SLCO1B1: variants seen among roughly 807,000 people sequenced by gnomAD.
SLCO1B1 encodes solute carrier organic anion transporter family member 1B1.
A neutral mutation model predicts 70.1 loss-of-function variants in SLCO1B1; 81 were observed. The observed-to-expected ratio is 1.16, with a 90% CI of 0.97 to 1.39. The LOEUF (loss-of-function observed/expected upper bound fraction) is 1.39. Ranked by LOEUF, SLCO1B1 falls within the 40% of genes most tolerant of loss-of-function variation. SLCO1B1 has a pLI of 0.00. For synonymous variants in SLCO1B1, 283 were observed against 271.5 expected (o/e 1.04, Z -0.42); for missense variants, 895 against 799.6 (o/e 1.12, Z -1.44).
rs765010547 is a variant in SLCO1B1, at chr12:21,239,147, T to C, written c.2034T>C (p.His678=). 7 of 1,613,104 alleles carry C rather than the reference T, an allele frequency of 4.3e-6. No individual in the cohort carries two copies. The Admixed American group carries it at 8.3e-5, about 19-fold the overall frequency. ...ANLESLNKNK[H]FVPSAGADSE... is the part of the protein sequence containing the mutation. ...TAGAATCCTTAAATAAAAATAAACA[T>C]TTTGTCCCTTCTGCTGGGGCAGATA... is the stretch of plus-strand genomic sequence containing the variant. The change falls in exon 15 of 15, where the codon CAT becomes CAC. Residue 678 remains histidine, a synonymous_variant. Transcript: ENST00000256958.
intron 7 of SLCO1B1, among the ~76,000 whole-genome samples, chr12:21,183,978 A>C (rs1591812495): frequency 6.6e-6 from 1 of 152,266 alleles, no homozygotes; most frequent in Non-Finnish European, 1.5e-5. Flanking sequence ...AGAACATACC[A>C]AAGAGAGAAA....
chr12:21,209,202 T>C (rs528089770), intron 11 of SLCO1B1, among the ~76,000 whole-genome samples: 1 of 151,226 alleles, frequency 6.6e-6, no homozygotes, highest in African/African-American at 2.4e-5. Context: ...ATGCTATCCC[T>C]CCCCCCTCCT....
At chr12:21,163,722 A>G (rs890347245) in intron 2 of SLCO1B1, among the ~76,000 whole-genome samples, 1 of 152,188 alleles carries the variant, frequency 6.6e-6, no homozygotes, top group Non-Finnish European at 1.5e-5. Flanking sequence ...TTAAAAGGGT[A>G]CAAATCTCAT....
chr12:21,197,280 C>CCAG, intron 8 of SLCO1B1, 92 bp downstream of exon 8: 2 of 1,408,342 alleles, frequency 1.4e-6, no homozygotes, highest in Non-Finnish European at 1.9e-6. Flanking sequence ...ATACCCAACT[C>CCAG]ATCTGGAGTT....
At chr12:21,174,869 C>G (rs1439492930) in intron 4 of SLCO1B1, among the ~76,000 whole-genome samples, 160 bp downstream of exon 4, 1 of 152,052 alleles carries the variant, frequency 6.6e-6, no homozygotes, top group Non-Finnish European at 1.5e-5. Context: ...TCTACATAAT[C>G]ATTTTATTTA....
chr12:21,151,842 G>A (rs192616765), intron 2 of SLCO1B1, among the ~76,000 whole-genome samples: 54 of 151,854 alleles, frequency 3.6e-4, no homozygotes, highest in African/African-American at 9.7e-4. Flanking sequence ...ATTTTCTATA[G>A]TTTTAAAATG....
intron 2 of SLCO1B1, among the ~76,000 whole-genome samples, chr12:21,171,973 C>A (rs1940760220): frequency 6.6e-6 from 1 of 151,988 alleles, no homozygotes; most frequent in Admixed American, 6.6e-5. Flanking sequence ...CATCAACACA[C>A]TGGAAATTAG....
At chr12:21,200,380 T>C (rs563934683) in intron 8 of SLCO1B1, 128 bp from the exon 9 acceptor site, 1 of 531,506 alleles carries the variant, frequency 1.9e-6, no homozygotes, top group Non-Finnish European at 3.3e-6. Context: ...TATTGCAGGC[T>C]ATTCTCACTC....
intron 6 of SLCO1B1, 29 bp from the exon 7 acceptor site, chr12:21,178,893 C>T: frequency 1.3e-6 from 2 of 1,500,190 alleles, no homozygotes; most frequent in Non-Finnish European, 1.9e-6. Context: ...TTCTTGGCAT[C>T]TAGTAAAATT....
intron 12 of SLCO1B1, among the ~76,000 whole-genome samples, chr12:21,217,960 T>A (rs1941379941): frequency 6.6e-6 from 1 of 152,156 alleles, no homozygotes; most frequent in South Asian, 2.1e-4. Context: ...CACATATTTA[T>A]AAATTGTTCT....
chr12:21,160,849 G>A (rs748264835), intron 2 of SLCO1B1, among the ~76,000 whole-genome samples: 1 of 152,008 alleles, frequency 6.6e-6, no homozygotes, highest in Non-Finnish European at 1.5e-5. Flanking sequence ...TGTAGGCAAA[G>A]GGTATGAACA....
intron 2 of SLCO1B1, among the ~76,000 whole-genome samples, chr12:21,158,527 C>A (rs2121073046): frequency 6.6e-6 from 1 of 152,200 alleles, no homozygotes; most frequent in South Asian, 2.1e-4. Flanking sequence ...AACCCCATCT[C>A]TACTAAAAAT....
chr12:21,237,067 A>G (rs567823016), intron 14 of SLCO1B1, among the ~76,000 whole-genome samples: 4 of 152,036 alleles, frequency 2.6e-5, no homozygotes, highest in South Asian at 2.1e-4. Flanking sequence ...TAATTTTACT[A>G]TTGTCTATTT....
chr12:21,174,429 G>A, intron 3 of SLCO1B1, 148 bp from the exon 4 acceptor site: 1 of 729,076 alleles, frequency 1.4e-6, no homozygotes, highest in Non-Finnish European at 2.3e-6. Flanking sequence ...GTGGTCTAAT[G>A]TAGGTGAATT....
intron 2 of SLCO1B1, among the ~76,000 whole-genome samples, chr12:21,148,951 T>C (rs1287309123): frequency 6.6e-6 from 1 of 152,136 alleles, no homozygotes; most frequent in Non-Finnish European, 1.5e-5. Flanking sequence ...CCCTTGTAAG[T>C]TGTATTCCTA....
intron 2 of SLCO1B1, among the ~76,000 whole-genome samples, chr12:21,146,092 T>A (rs1421892547): frequency 2.6e-5 from 4 of 152,128 alleles, no homozygotes; most frequent in Non-Finnish European, 5.9e-5. Context: ...TCTTTCTGTT[T>A]TGGAAAGTTA....
At chr12:21,161,310 A>G (rs774066212) in intron 2 of SLCO1B1, among the ~76,000 whole-genome samples, 5 of 152,202 alleles carry the variant, frequency 3.3e-5, no homozygotes, top group Admixed American at 6.6e-5. Flanking sequence ...TGTGGTACAT[A>G]CTATGGAATA....
In SLCO1B1 at chr12:21,224,837, T is replaced by G; in HGVS notation, c.1863T>G (p.Phe621Leu). 6.5e-7 allele frequency: 1 copy of G among 1,544,072 alleles called. No individual in the cohort carries two copies. Among genetic ancestry groups the G allele is most frequent in the Non-Finnish European group, 8.9e-7 (1 of 1,120,980 alleles). Residue 621 changes from phenylalanine to leucine, a missense_variant and splice_region_variant, in exon 14 of 15, where the codon TTT becomes TTG. Transcript: ENST00000256958. The part of the protein sequence containing the change: ...GSCRTYNSTS[F>L]SRVYLGLSSM... The stretch of plus-strand genomic sequence containing the variant: ...GTAGGACATATAATTCCACATCATT[T>G]TCGTAAGTTGTCATAAATATATTTC...
At chr12:21,161,313 A>G (rs1476216713) in intron 2 of SLCO1B1, among the ~76,000 whole-genome samples, 6 of 152,312 alleles carry the variant, frequency 3.9e-5, no homozygotes, top group Admixed American at 2.0e-4. Context: ...GGTACATACT[A>G]TGGAATACTA....
Sources: allele counts gnomAD v4.1 joint callset (sites outside exome capture counted in the v4.1 genomes callset), GRCh38; gene constraint gnomAD v4.1.1; transcripts MANE v1.5; gene names NCBI Gene and HGNC (gene_info 2026-07-23, HGNC 2026-07-21).